ERBB4: variants seen among roughly 807,000 people sequenced by gnomAD.
ERBB4 encodes erb-b2 receptor tyrosine kinase 4, also known as receptor tyrosine-protein kinase erbB-4.
Under a neutral mutation model 158.0 loss-of-function variants are expected in ERBB4, and 42 were observed. The observed-to-expected ratio is 0.27, with a 90% CI of 0.21 to 0.34. The LOEUF (loss-of-function observed/expected upper bound fraction) is 0.34. Among genes scored for constraint, ERBB4 ranks in the 10% least tolerant of loss-of-function variants. The probability of loss-of-function intolerance (pLI) is 1.00; values close to 1 mark genes in which losing one functional copy is unlikely to be tolerated. For missense variants in ERBB4, 1,333 were observed against 1,624.1 expected, an observed-to-expected ratio of 0.82 and a Z score of 3.08; for synonymous variants, 583 against 558.7, an observed-to-expected ratio of 1.04 and a Z score of -0.61.
At chr2:212,184,757 T>A (rs972282324) in intron 1 of ERBB4, among the ~76,000 whole-genome samples, 1 of 152,122 alleles carries the variant, frequency 6.6e-6, no homozygotes, top group Non-Finnish European at 1.5e-5. Context: ...AAAATTGATA[T>A]TCAAAATCCA....
intron 2 of ERBB4, among the ~76,000 whole-genome samples, chr2:212,058,035 A>G (rs970918691): frequency 1.3e-5 from 2 of 152,226 alleles, no homozygotes; most frequent in Non-Finnish European, 2.9e-5. Context: ...ATAGACTACT[A>G]GCAAGGCTCA....
intron 1 of ERBB4, among the ~76,000 whole-genome samples, chr2:212,192,942 T>G (rs1467276902): frequency 6.6e-6 from 1 of 152,176 alleles, no homozygotes; most frequent in Non-Finnish European, 1.5e-5. Flanking sequence ...TAAACCGTAT[T>G]GATCCAAGAA....
intron 19 of ERBB4, among the ~76,000 whole-genome samples, chr2:211,612,741 AAGT>A (rs2069246533): frequency 6.6e-6 from 1 of 152,124 alleles, no homozygotes; most frequent in Non-Finnish European, 1.5e-5. Flanking sequence ...TTGTATTAAA[AAGT>A]AGGGAGATCA....
intron 25 of ERBB4, among the ~76,000 whole-genome samples, chr2:211,399,242 C>T (rs2062983812): frequency 6.6e-6 from 1 of 152,186 alleles, no homozygotes; most frequent in African/African-American, 2.4e-5. Context: ...TTTTCTTAGA[C>T]TATGAGTCTG....
intron 1 of ERBB4, among the ~76,000 whole-genome samples, chr2:212,295,664 T>C (rs1273588350): frequency 6.6e-6 from 1 of 152,024 alleles, no homozygotes; most frequent in African/African-American, 2.4e-5. Flanking sequence ...ACCAGTTACT[T>C]AATATTTGTG....
At chr2:212,399,298 C>A (rs1352489742) in intron 1 of ERBB4, among the ~76,000 whole-genome samples, 1 of 151,760 alleles carries the variant, frequency 6.6e-6, no homozygotes, top group African/African-American at 2.4e-5. Flanking sequence ...ACCAATCCTA[C>A]CTATAGAAAG....
chr2:212,039,692 T>C (rs1218515374), intron 2 of ERBB4, among the ~76,000 whole-genome samples: 1 of 152,106 alleles, frequency 6.6e-6, no homozygotes, highest in African/African-American at 2.4e-5. Context: ...TCAACCACTC[T>C]GCAACACAGA....
chr2:211,715,519 T>A (rs2073865558), intron 7 of ERBB4, among the ~76,000 whole-genome samples: 1 of 152,178 alleles, frequency 6.6e-6, no homozygotes, highest in Non-Finnish European at 1.5e-5. Context: ...CACCCAAATC[T>A]CATGTCGAAT....
At chr2:211,598,738 A>C (rs1574834402) in intron 19 of ERBB4, among the ~76,000 whole-genome samples, 1 of 152,296 alleles carries the variant, frequency 6.6e-6, no homozygotes, top group East Asian at 1.9e-4. Context: ...CTACTTTTGA[A>C]ATTCTTCTAG....
chr2:211,497,762 G>A (rs534016011), intron 20 of ERBB4, among the ~76,000 whole-genome samples: 17 of 152,124 alleles, frequency 1.1e-4, no homozygotes, highest in Non-Finnish European at 1.0e-4. Flanking sequence ...TTTCATGGAT[G>A]GTCCATATAT....
chr2:211,680,351 A>G (rs1342238728), intron 12 of ERBB4, among the ~76,000 whole-genome samples: 2 of 152,208 alleles, frequency 1.3e-5, no homozygotes, highest in African/African-American at 4.8e-5. Context: ...TTCAAATGTT[A>G]TCCTGAGTGT....
At chr2:211,427,734 T>TTTTG (rs1017564943) in intron 22 of ERBB4, among the ~76,000 whole-genome samples, 4 of 152,222 alleles carry the variant, frequency 2.6e-5, no homozygotes, top group East Asian at 1.9e-4. Context: ...TTGGTTTTGT[T>TTTTG]TTTGTTTGAA....
rs557609798 is a variant in ERBB4, at chr2:212,155,368, C to A, written c.83-30465G>T. Among the ~76,000 whole-genome samples the A allele has an allele frequency of 1.6e-4, 25 of 151,622 alleles. No homozygotes were observed. The East Asian group carries it at 4.6e-3, about 28-fold the overall frequency. On this transcript the variant is annotated intron_variant, in intron 1 of 27. Coordinates refer to ENST00000342788, the MANE Select transcript of ERBB4 (RefSeq NM_005235.3). ...AATGATCTAATAGTCATATCCCACA[C>A]CCCAATGTCTTTGCAAATCTTATTC... is the stretch of plus-strand genomic sequence containing the variant.
At chr2:211,653,599 A>G (rs1194075853) in intron 16 of ERBB4, among the ~76,000 whole-genome samples, 1 of 151,998 alleles carries the variant, frequency 6.6e-6, no homozygotes, top group African/African-American at 2.4e-5. Context: ...ATTTTCTGTG[A>G]CTAAAAATAA....
chr2:211,970,876 A>G (rs923602073), intron 2 of ERBB4, among the ~76,000 whole-genome samples: 3 of 152,078 alleles, frequency 2.0e-5, no homozygotes, highest in African/African-American at 4.8e-5. Flanking sequence ...GCCTATTTAC[A>G]TTTAAGGTTA....
intron 20 of ERBB4, among the ~76,000 whole-genome samples, chr2:211,450,947 C>T (rs1283620306): frequency 2.0e-5 from 3 of 152,166 alleles, no homozygotes; most frequent in African/African-American, 7.2e-5. Context: ...CAGTGCCTTG[C>T]ATATCGTAAG....
chr2:211,944,204 A>AG (rs796700572), intron 3 of ERBB4, among the ~76,000 whole-genome samples: 3,795 of 27,924 alleles, frequency 0.14, 430 homozygotes, highest in African/African-American at 0.27. Context: ...TATATACTAT[A>AG]TATATATATA....
intron 3 of ERBB4, among the ~76,000 whole-genome samples, chr2:211,928,410 A>C (rs746631861): frequency 1.2e-4 from 19 of 152,148 alleles, no homozygotes; most frequent in Non-Finnish European, 2.1e-4. Flanking sequence ...ACACCAGAGG[A>C]CTGCACCTGT....
intron 1 of ERBB4, among the ~76,000 whole-genome samples, chr2:212,265,016 T>A (rs984617847): frequency 2.0e-5 from 3 of 152,054 alleles, no homozygotes; most frequent in Non-Finnish European, 4.4e-5. Context: ...ATCCCCTATG[T>A]GGAGAGGGGC....
Sources: allele counts gnomAD v4.1 joint callset (sites outside exome capture counted in the v4.1 genomes callset), GRCh38; gene constraint gnomAD v4.1.1; transcripts MANE v1.5; gene names NCBI Gene and HGNC (gene_info 2026-07-23, HGNC 2026-07-21).